Variants in NUBPL observed in about 807,000 individuals in gnomAD.
The protein encoded by NUBPL is NUBP iron-sulfur cluster assembly factor, mitochondrial.
NUBPL carries 31 observed loss-of-function variants against 45.7 expected under a neutral mutation model. The ratio of observed to expected loss-of-function variants is 0.68; its 90% CI spans 0.51 to 0.92. The LOEUF (loss-of-function observed/expected upper bound fraction) is 0.92, where lower values mean the gene tolerates loss of function less well. Ranked by LOEUF, NUBPL falls within the 40% of genes least tolerant of loss-of-function variation. The pLI is 0.00. For missense variants in NUBPL, 401 were observed against 398.7 expected (o/e 1.01, Z -0.05); for synonymous variants, 144 against 140.9 (o/e 1.02, Z -0.15).
At chr14:31,844,270 T>C (rs1327557891) in intron 8 of NUBPL, 3 of 152,230 alleles carry the variant, frequency 2.0e-5, no homozygotes, top group East Asian at 3.8e-4. Flanking sequence ...TCACTTTCTT[T>C]AGGTGTTTTT....
intron 7 of NUBPL, among the ~76,000 whole-genome samples, chr14:31,798,993 C>G (rs1438744742): frequency 2.0e-5 from 3 of 151,834 alleles, no homozygotes; most frequent in Non-Finnish European, 4.4e-5. Context: ...TACAGGAACA[C>G]TATCAAAAAG....
chr14:31,742,597 G>A (rs901801475), intron 6 of NUBPL, among the ~76,000 whole-genome samples: 2 of 151,904 alleles, frequency 1.3e-5, no homozygotes, highest in African/African-American at 4.8e-5. Context: ...CATAATCCTA[G>A]GTTATCTCTT....
intron 6 of NUBPL, among the ~76,000 whole-genome samples, chr14:31,767,688 T>G (rs1430930665): frequency 6.8e-6 from 1 of 147,488 alleles, no homozygotes; most frequent in East Asian, 1.9e-4. Flanking sequence ...GGTGGATGTG[T>G]TTTTTTATTT....
At chr14:31,707,488 T>G (rs2037479854) in intron 6 of NUBPL, among the ~76,000 whole-genome samples, 1 of 152,230 alleles carries the variant, frequency 6.6e-6, no homozygotes, top group Admixed American at 6.5e-5. Flanking sequence ...TACTTCTTTC[T>G]TTGACTTTTT....
chr14:31,838,279 C>CAAAAAAAAAAAAAAAAAAAAAAAAA (rs748313330), intron 8 of NUBPL, among the ~76,000 whole-genome samples: 7 of 60,278 alleles, frequency 1.2e-4, no homozygotes, highest in Non-Finnish European at 1.9e-4. Flanking sequence ...TAATATCCAG[C>CAAAAAAAAAAAAAAAAAAAAAAAAA]AAAAAAAAAA....
At chr14:31,671,851 C>A (rs1333365112) in intron 4 of NUBPL, among the ~76,000 whole-genome samples, 1 of 142,784 alleles carries the variant, frequency 7.0e-6, no homozygotes, top group Non-Finnish European at 1.5e-5. Flanking sequence ...ATATGCTTTA[C>A]ACAGTTTTCA....
intron 6 of NUBPL, among the ~76,000 whole-genome samples, chr14:31,751,342 G>T (rs1595580174): frequency 6.6e-6 from 1 of 152,316 alleles, no homozygotes; most frequent in East Asian, 1.9e-4. Flanking sequence ...CTATGAGCTT[G>T]TAAAATAAAA....
chr14:31,687,180 T>C (rs1320900619), intron 6 of NUBPL, among the ~76,000 whole-genome samples: 1 of 152,238 alleles, frequency 6.6e-6, no homozygotes, highest in African/African-American at 2.4e-5. Context: ...TATAACTGTG[T>C]TTGAACTGTT....
At chr14:31,700,960 G>C (rs1272400351) in intron 6 of NUBPL, among the ~76,000 whole-genome samples, 1 of 152,196 alleles carries the variant, frequency 6.6e-6, no homozygotes, top group African/African-American at 2.4e-5. Context: ...CTGGCGGGCA[G>C]CTCCATCTAT....
chr14:31,577,015 C>T (rs1032327765), intron 3 of NUBPL, among the ~76,000 whole-genome samples: 1 of 152,146 alleles, frequency 6.6e-6, no homozygotes, highest in African/African-American at 2.4e-5. Context: ...AGCTGTATGG[C>T]TTTTTGTGAC....
intron 3 of NUBPL, chr14:31,577,823 C>G (rs2033755745): frequency 4.3e-6 from 1 of 234,244 alleles, no homozygotes; most frequent in African/African-American, 2.3e-5. Flanking sequence ...TTGCCCAGCT[C>G]CTGTCATCCT....
intron 6 of NUBPL, among the ~76,000 whole-genome samples, chr14:31,736,591 A>G (rs2038171350): frequency 6.6e-6 from 1 of 152,188 alleles, no homozygotes; most frequent in Admixed American, 6.5e-5. Context: ...TGTACTACAA[A>G]ATGTCCATTC....
At chr14:31,738,573 A>G (rs937656861) in intron 6 of NUBPL, among the ~76,000 whole-genome samples, 1 of 152,222 alleles carries the variant, frequency 6.6e-6, no homozygotes, top group Non-Finnish European at 1.5e-5. Context: ...TTATCTGGAC[A>G]GCCCAAGGCA....
intron 6 of NUBPL, among the ~76,000 whole-genome samples, chr14:31,680,609 A>G (rs976169310): frequency 6.6e-6 from 1 of 151,932 alleles, no homozygotes; most frequent in African/African-American, 2.4e-5. Flanking sequence ...TTGTCCCTCA[A>G]TATCTGTGGG....
intron 6 of NUBPL, among the ~76,000 whole-genome samples, chr14:31,700,514 C>T (rs1031794456): frequency 4.6e-5 from 7 of 152,064 alleles, no homozygotes; most frequent in Admixed American, 6.6e-5. Flanking sequence ...AGGCTGCAGC[C>T]GGCTCCCTCT....
chr14:31,814,555 A>G (rs1012382897), intron 7 of NUBPL, among the ~76,000 whole-genome samples: 1 of 151,770 alleles, frequency 6.6e-6, no homozygotes, highest in African/African-American at 2.4e-5. Flanking sequence ...CCATTTGTCA[A>G]TATTGGCTTT....
chr14:31,811,113 AAGG>A lies in NUBPL; in HGVS notation c.608-15513_608-15511del, dbSNP rs527875010. The stretch of plus-strand genomic sequence containing the variant: ...TATATGTCTTGGGGTTGCTCTTTTC[AAGG>A]AGTATATTTGTGGTGTTCTCTGTAC... On this transcript the variant is annotated intron_variant, in intron 7 of 10. Coordinates refer to ENST00000281081, the MANE Select transcript of NUBPL (RefSeq NM_025152.3). 1.5e-4 allele frequency among the ~76,000 whole-genome samples: 23 copies of A among 152,148 alleles called. 1 individual carries two copies. The South Asian group carries it at 3.3e-3, about 22-fold the overall frequency.
chr14:31,763,836 AAAG>A (rs1348714584), intron 6 of NUBPL, among the ~76,000 whole-genome samples: 1 of 152,190 alleles, frequency 6.6e-6, no homozygotes, highest in Non-Finnish European at 1.5e-5. Flanking sequence ...GAAGAGAAAA[AAAG>A]AATTACATTA....
At chr14:31,701,775 C>T (rs1254205218) in intron 6 of NUBPL, among the ~76,000 whole-genome samples, 2 of 152,186 alleles carry the variant, frequency 1.3e-5, no homozygotes, top group Non-Finnish European at 2.9e-5. Flanking sequence ...AGAACTTTAA[C>T]ACTCACTGCG....
Sources: gnomAD v4.1 joint callset for allele counts (sites outside exome capture counted in the v4.1 genomes callset) on GRCh38, gnomAD v4.1.1 for gene constraint, MANE v1.5 for transcripts, NCBI Gene and HGNC (gene_info 2026-07-23, HGNC 2026-07-21) for gene names.